The following CTNNA3 variants were observed in gnomAD, a reference collection of about 807,000 sequenced individuals.
CTNNA3 encodes catenin alpha 3.
In CTNNA3, 76 loss-of-function variants were observed where a neutral mutation model predicts 95.7. The observed-to-expected ratio is 0.79, with a 90% CI of 0.66 to 0.96. The LOEUF (loss-of-function observed/expected upper bound fraction) is 0.96, where lower values mean the gene tolerates loss of function less well. Ranked by LOEUF, CTNNA3 falls within the 40% of genes least tolerant of loss-of-function variation. The pLI is 0.00. For missense variants in CTNNA3, 1,191 were observed against 1,089.8 expected (o/e 1.09, Z -1.31); for synonymous variants, 431 against 374.4 (o/e 1.15, Z -1.74).
At chr10:67,140,579 T>A (rs2132039853) in intron 7 of CTNNA3, among the ~76,000 whole-genome samples, 1 of 152,252 alleles carries the variant, frequency 6.6e-6, no homozygotes, top group African/African-American at 2.4e-5. Flanking sequence ...GCCCTATAAG[T>A]TGGAAGAAAA....
intron 7 of CTNNA3, among the ~76,000 whole-genome samples, chr10:67,116,123 T>A (rs1859174705): frequency 6.6e-6 from 1 of 151,948 alleles, no homozygotes; most frequent in Non-Finnish European, 1.5e-5. Context: ...TCAATTGCAT[T>A]TGCAGCAGTG....
chr10:67,126,055 T>G (rs1208091637), intron 7 of CTNNA3, among the ~76,000 whole-genome samples: 1 of 152,178 alleles, frequency 6.6e-6, no homozygotes, highest in Non-Finnish European at 1.5e-5. Context: ...ATGAAATGCC[T>G]TTCACAGCAA....
chr10:66,093,457 TAGA>T (rs1270455590), intron 14 of CTNNA3, among the ~76,000 whole-genome samples: 5 of 152,070 alleles, frequency 3.3e-5, no homozygotes, highest in Non-Finnish European at 5.9e-5. Context: ...TGGGCTCATC[TAGA>T]AGAACTTTTG....
intron 5 of CTNNA3, among the ~76,000 whole-genome samples, chr10:67,463,337 C>T (rs1026850398): frequency 6.6e-6 from 1 of 152,090 alleles, no homozygotes; most frequent in Admixed American, 6.6e-5. Context: ...GAACAATCAC[C>T]ATCAGTTTTC....
chr10:67,077,434 C>T (rs1428953148), intron 7 of CTNNA3, among the ~76,000 whole-genome samples: 1 of 152,096 alleles, frequency 6.6e-6, no homozygotes, highest in Non-Finnish European at 1.5e-5. Flanking sequence ...GTCCCTTTGC[C>T]CCACTCCCCC....
intron 9 of CTNNA3, among the ~76,000 whole-genome samples, chr10:66,760,838 G>A (rs1457552976): frequency 5.3e-5 from 8 of 152,056 alleles, no homozygotes; most frequent in African/African-American, 1.4e-4. Flanking sequence ...CAGTCACACC[G>A]GTGTGCTCTG....
At chr10:66,582,240 G>A (rs1371506803) in intron 10 of CTNNA3, among the ~76,000 whole-genome samples, 1 of 151,804 alleles carries the variant, frequency 6.6e-6, no homozygotes, top group African/African-American at 2.4e-5. Flanking sequence ...GGAGTGTATG[G>A]TCATTTTCAT....
intron 11 of CTNNA3, among the ~76,000 whole-genome samples, chr10:66,471,806 C>T (rs1839144030): frequency 6.6e-6 from 1 of 151,586 alleles, no homozygotes; most frequent in Non-Finnish European, 1.5e-5. Flanking sequence ...AAAACGCTTT[C>T]CCATGCTGTC....
chr10:66,286,855 A>G (rs1169662603), intron 12 of CTNNA3, among the ~76,000 whole-genome samples: 2 of 151,908 alleles, frequency 1.3e-5, no homozygotes, highest in African/African-American at 4.8e-5. Context: ...CATTTTTCCA[A>G]CCTTGTCTAT....
intron 12 of CTNNA3, among the ~76,000 whole-genome samples, chr10:66,342,094 T>A (rs1360597356): frequency 6.6e-6 from 1 of 152,000 alleles, no homozygotes; most frequent in Non-Finnish European, 1.5e-5. Context: ...CTAATTCAAT[T>A]TTTTCTAATT....
intron 13 of CTNNA3, among the ~76,000 whole-genome samples, chr10:66,109,174 C>G (rs2082023294): frequency 6.6e-6 from 1 of 152,106 alleles, no homozygotes; most frequent in South Asian, 2.1e-4. Context: ...GTCATGGAAA[C>G]AGTGGTAGAC....
chr10:66,383,473 G>C (rs1221378078), intron 11 of CTNNA3, among the ~76,000 whole-genome samples: 1 of 152,182 alleles, frequency 6.6e-6, no homozygotes, highest in African/African-American at 2.4e-5. Flanking sequence ...TGTTTGATTG[G>C]TGCACCTGAA....
At chr10:66,569,172 G>A (rs1217649495) in intron 10 of CTNNA3, among the ~76,000 whole-genome samples, 2 of 152,022 alleles carry the variant, frequency 1.3e-5, no homozygotes, top group South Asian at 2.1e-4. Context: ...CTGCCCCATC[G>A]ATGTTCTCCT....
intron 5 of CTNNA3, among the ~76,000 whole-genome samples, chr10:67,445,995 T>C (rs959711555): frequency 6.6e-6 from 1 of 152,162 alleles, no homozygotes; most frequent in Non-Finnish European, 1.5e-5. Context: ...GACATACCAG[T>C]TGACACACTG....
chr10:66,002,632 G>A (rs1251561814), intron 15 of CTNNA3, among the ~76,000 whole-genome samples: 1 of 151,634 alleles, frequency 6.6e-6, no homozygotes, highest in Non-Finnish European at 1.5e-5. Flanking sequence ...GTTGTTCAAG[G>A]ACCTAGGTAC....
At chr10:66,457,006 A>C (rs889004401) in intron 11 of CTNNA3, among the ~76,000 whole-genome samples, 2 of 151,894 alleles carry the variant, frequency 1.3e-5, no homozygotes, top group Non-Finnish European at 2.9e-5. Flanking sequence ...AGGTGGGAGG[A>C]TCTCTTGAGC....
chr10:65,967,609 A>C (rs957269339), intron 16 of CTNNA3, among the ~76,000 whole-genome samples: 1 of 152,220 alleles, frequency 6.6e-6, no homozygotes, highest in Non-Finnish European at 1.5e-5. Flanking sequence ...AACTGAAGCC[A>C]AGAAACAGAC....
chr10:66,048,913 T>G (rs2079891384), intron 15 of CTNNA3, among the ~76,000 whole-genome samples: 1 of 152,014 alleles, frequency 6.6e-6, no homozygotes, highest in Admixed American at 6.6e-5. Context: ...CAAAAGCAAT[T>G]GCAACAAAAG....
chr10:66,335,923 G>A (rs1476555879), intron 12 of CTNNA3, among the ~76,000 whole-genome samples: 1 of 152,120 alleles, frequency 6.6e-6, no homozygotes, highest in African/African-American at 2.4e-5. Flanking sequence ...TCAAGCCTGG[G>A]CAATGGCGGG....
Sources: gnomAD v4.1 joint callset for allele counts (sites outside exome capture counted in the v4.1 genomes callset) on GRCh38, gnomAD v4.1.1 for gene constraint, MANE v1.5 for transcripts, NCBI Gene and HGNC (gene_info 2026-07-23, HGNC 2026-07-21) for gene names.